The following CLASRP variants were observed in gnomAD, a reference collection of about 807,000 sequenced individuals.
CLASRP encodes the protein CLK4-associating serine/arginine rich protein.
A neutral mutation model predicts 99.9 loss-of-function variants in CLASRP; 52 were observed. The ratio of observed to expected loss-of-function variants is 0.52; its 90% confidence interval spans 0.42 to 0.66. The LOEUF (loss-of-function observed/expected upper bound fraction) is 0.66, where lower values mean the gene tolerates loss of function less well. CLASRP is among the 30% of genes least tolerant of loss of function. CLASRP has a pLI of 0.00. For synonymous variants in CLASRP, 379 were observed against 373.0 expected, an observed-to-expected ratio of 1.02 and a Z score of -0.18; for missense variants, 848 against 999.2, an observed-to-expected ratio of 0.85 and a Z score of 2.04.
At position 45,060,560 on chromosome 19, in the gene CLASRP, C is replaced by T. The variant is rs747032294; in HGVS notation, c.796C>T (p.Arg266Cys). The T allele has an allele frequency of 1.2e-6, 2 of 1,613,338 alleles. No individual in the cohort carries two copies. Among genetic ancestry groups the T allele is most frequent in the Non-Finnish European group, 1.7e-6 (2 of 1,179,692 alleles). Residue 266 changes from arginine to cysteine, a missense_variant, in exon 10 of 21, where the codon CGC becomes TGC. Coordinates refer to ENST00000221455, the MANE Select transcript of CLASRP (RefSeq NM_007056.3). This position sits in a 1 kb window ranked among gnomAD's most constrained non-coding sequence, Gnocchi z 4.6. Reference sequence around the variant, plus strand: ...GGCACCCACCCTACTCCAGGGACGCCGCTCTCGACGCCAGCGGAGAGAGTT... The same window carrying T: ...GGCACCCACCCTACTCCAGGGACGCTGCTCTCGACGCCAGCGGAGAGAGTT... ...EEEKAMYSGR[R>C]SRRQRREFRE... is the part of the protein sequence containing the mutation.
At position 45,067,744 on chromosome 19, in the gene CLASRP, G is replaced by C; in HGVS notation, c.1667+150G>C. 1.3e-6 allele frequency: 1 copy of C among 770,890 alleles called. No homozygotes were observed. The highest frequency in any genetic ancestry group is 2.0e-6 in the Non-Finnish European group (1 of 488,688). 47.8% of individuals were successfully genotyped at this position (770,890 alleles called of 1,614,324 possible). A position where few individuals can be genotyped will look rare whatever the true frequency, so the allele number is the denominator to read the frequency against. ...TGGCCTGGGAGGGTGGATTTCAGGG[G>C]GACACAGCCCTGGCCTGGGGGGTCT... On this transcript the variant is annotated intron_variant, in intron 14 of 20. Transcript: ENST00000221455. This position sits in a 1 kb window ranked among gnomAD's most constrained non-coding sequence, Gnocchi z 4.9.
intron 11 of CLASRP, among the ~76,000 whole-genome samples, chr19:45,063,267 A>G (rs945679840): frequency 6.6e-6 from 1 of 151,652 alleles, no homozygotes; most frequent in African/African-American, 2.4e-5. Flanking sequence ...TGGGCCTTCC[A>G]AAGTGCTGGG....
intron 7 of CLASRP, chr19:45,058,237 C>T (rs939787691): frequency 2.7e-5 from 8 of 301,284 alleles, no homozygotes; most frequent in Non-Finnish European, 5.1e-5. Flanking sequence ...TGTTCATCCT[C>T]TTACAGAGTC....
chr19:45,059,933 C>T (rs1288355594), intron 8 of CLASRP, among the ~76,000 whole-genome samples: 1 of 152,174 alleles, frequency 6.6e-6, no homozygotes, highest in Non-Finnish European at 1.5e-5. Flanking sequence ...CCTGCACAGT[C>T]TCCTTGCTCC....
intron 15 of CLASRP, 54 bp from the exon 16 acceptor site, chr19:45,068,366 G>A (rs1028374715): frequency 3.7e-6 from 3 of 804,692 alleles, no homozygotes; most frequent in African/African-American, 1.8e-5. Flanking sequence ...GAGGTGGGTT[G>A]TGGGAGCTCT....
chr19:45,065,458 G>A (rs1967064423), intron 13 of CLASRP, among the ~76,000 whole-genome samples: 1 of 151,888 alleles, frequency 6.6e-6, no homozygotes, highest in South Asian at 2.1e-4. Context: ...CTATGCAGGA[G>A]GCTGAGGCAC....
chr19:45,057,643 G>A (rs1972144214), intron 6 of CLASRP, 107 bp from the exon 7 acceptor site: 1 of 1,308,070 alleles, frequency 7.6e-7, no homozygotes. Flanking sequence ...GGCTGAGGGA[G>A]AGCCTGAGGG....
rs913524079 is a variant in CLASRP, at chr19:45,046,887, C to T, written c.100-5184C>T. ...TACTAAAAATACAAAATTAGCTGGG[C>T]GTTGTGGCACATGCCTGCAGTTCCA... is the stretch of plus-strand genomic sequence containing the variant. On this transcript the variant is annotated intron_variant, in intron 2 of 20. Transcript: ENST00000221455. 2.6e-5 allele frequency among the ~76,000 whole-genome samples: 4 copies of T among 152,216 alleles called. No homozygotes were observed. In the East Asian group the frequency reaches 7.7e-4, roughly 29 times the overall value.
chr19:45,070,896 C>T lies in CLASRP; in HGVS notation c.*51C>T, dbSNP rs994001566. ...CAAGGGGGTGGGTAAGGGGCTCAAGCTGTGATGCTGCTGGTTTTATCTCTA... is the reference window on the plus strand; with the variant it reads ...CAAGGGGGTGGGTAAGGGGCTCAAGTTGTGATGCTGCTGGTTTTATCTCTA... On this transcript the variant is annotated 3_prime_UTR_variant, in exon 21 of 21. Transcript: ENST00000221455. 2 of 1,090,428 alleles carry T rather than the reference C, an allele frequency of 1.8e-6. No individual in the cohort carries two copies. The highest frequency in any genetic ancestry group is 2.7e-6 in the Non-Finnish European group (2 of 731,626). The allele number at this position is 1,090,428 out of a possible 1,614,324, so 67.5% of individuals were successfully genotyped here.
chr19:45,040,578 G>A (rs1971793716), intron 2 of CLASRP: 3 of 316,712 alleles, frequency 9.5e-6, no homozygotes, highest in South Asian at 6.4e-5. Context: ...CCTCAGAGCA[G>A]TCCTGACGTT....
Position 45,059,237 on chromosome 19 carries a change from G to A in CLASRP, c.614-31G>A, listed in dbSNP as rs773267958. ...TTCTCCCCTGTCCTCTCGCTCGGCCGTGGCTCCTGACAGCCTTTCTCTTGG... is the reference window on the plus strand; with the variant it reads ...TTCTCCCCTGTCCTCTCGCTCGGCCATGGCTCCTGACAGCCTTTCTCTTGG... On this transcript the variant is annotated intron_variant, in intron 7 of 20. Transcript: ENST00000221455. 1.2e-5 allele frequency: 19 copies of A among 1,583,740 alleles called. No homozygotes were observed. The African/African-American group carries it at 1.2e-4, about 10-fold the overall frequency.
Position 45,064,493 on chromosome 19 carries a change from C to CTCCTGG in CLASRP, c.1275_1276insTGGTCC (p.Ser425_Arg426insTrpSer), listed in dbSNP as rs1341111055. The CTCCTGG allele has an allele frequency of 2.0e-6, 3 of 1,532,782 alleles. No homozygotes were observed. Among genetic ancestry groups the CTCCTGG allele is most frequent in the South Asian group, 1.2e-5 (1 of 83,766 alleles). The allele number at this position is 1,532,782 out of a possible 1,614,324, so 94.9% of individuals were successfully genotyped here. A position where few individuals can be genotyped will look rare whatever the true frequency, so the allele number is the denominator to read the frequency against. ...GCTCCCGGTCCCGCTCCTGGTCCCG[C>CTCCTGG]TCCCGCTCCCGCTCCCGGCGCTATT... On this transcript the variant is annotated inframe_insertion, in exon 13 of 21. Coordinates refer to ENST00000221455, the MANE Select transcript of CLASRP (RefSeq NM_007056.3).
chr19:45,064,127 G>A lies in CLASRP; in HGVS notation c.1021G>A (p.Ala341Thr), dbSNP rs1313715555. 6.2e-7 allele frequency: 1 copy of A among 1,609,978 alleles called. No individual in the cohort carries two copies. The highest frequency in any genetic ancestry group is 1.7e-5 in the Admixed American group (1 of 59,908). Residue 341 changes from alanine to threonine, a missense_variant, in exon 12 of 21, where the codon GCA becomes ACA. This residue lies in a region of CLASRP where 489 missense variants were observed against 434.7 expected (regional missense o/e 1.12). Coordinates refer to ENST00000221455, the MANE Select transcript of CLASRP (RefSeq NM_007056.3). ...TGGGGGCAGCGATGAGGAGGCAGCC[G>A]CAGCCGCTGCTGCCGCAGCAGCATC... ...SFGGSDEEAA[A>T]AAAAAAASGV...
At chr19:45,054,826 G>A (rs540592558) in intron 5 of CLASRP, among the ~76,000 whole-genome samples, 1 of 152,184 alleles carries the variant, frequency 6.6e-6, no homozygotes, top group Non-Finnish European at 1.5e-5. Flanking sequence ...TGTAAGAGTT[G>A]AGTGAGATGA....
At chr19:45,066,402 G>A (rs759015651) in intron 13 of CLASRP, among the ~76,000 whole-genome samples, 17 of 152,006 alleles carry the variant, frequency 1.1e-4, no homozygotes, top group Non-Finnish European at 2.1e-4. Context: ...ACAGGCGTGA[G>A]CCACCGCGCC....
intron 5 of CLASRP, among the ~76,000 whole-genome samples, chr19:45,055,697 G>C (rs1468739979): frequency 6.6e-6 from 1 of 152,200 alleles, no homozygotes; most frequent in African/African-American, 2.4e-5. Flanking sequence ...GCCAGGCACG[G>C]TGGCGCCTGC....
At chr19:45,041,807 ACT>A in intron 2 of CLASRP, among the ~76,000 whole-genome samples, 1 of 151,362 alleles carries the variant, frequency 6.6e-6, no homozygotes, top group East Asian at 1.9e-4. Flanking sequence ...ACCACCCCAC[ACT>A]CTGCCTTGTT....
chr19:45,062,980 C>A (rs2122589326), intron 11 of CLASRP, among the ~76,000 whole-genome samples: 1 of 152,178 alleles, frequency 6.6e-6, no homozygotes, highest in South Asian at 2.1e-4. Context: ...AAGCCCAGTT[C>A]CCTCTTCGGA....
chr19:45,070,917 C>T lies in CLASRP; in HGVS notation c.*72C>T. The stretch of plus-strand genomic sequence containing the variant: ...CAAGCTGTGATGCTGCTGGTTTTAT[C>T]TCTAGTGAAATAAAGTCAAAAGTTA... On this transcript the variant is annotated 3_prime_UTR_variant, in exon 21 of 21. Coordinates refer to ENST00000221455, the MANE Select transcript of CLASRP (RefSeq NM_007056.3). 1.0e-6 allele frequency: 1 copy of T among 958,504 alleles called. No homozygotes were observed. The highest frequency in any genetic ancestry group is 1.6e-5 in the African/African-American group (1 of 61,386). The allele number at this position is 958,504 out of a possible 1,614,324, so 59.4% of individuals were successfully genotyped here. A position where few individuals can be genotyped will look rare whatever the true frequency, so the allele number is the denominator to read the frequency against.
Sources: allele counts gnomAD v4.1 joint callset (sites outside exome capture counted in the v4.1 genomes callset), GRCh38; gene constraint gnomAD v4.1.1; regional missense constraint gnomAD v4.1.1; non-coding constraint Gnocchi (gnomAD v3.1); transcripts MANE v1.5; gene names NCBI Gene and HGNC (gene_info 2026-07-23, HGNC 2026-07-21).